Variants in NPLOC4 observed in about 807,000 individuals in gnomAD.
NPLOC4 encodes the protein NPL4 homolog, ubiquitin recognition factor, also known as nuclear protein localization protein 4 homolog.
Under a neutral mutation model 80.6 loss-of-function variants are expected in NPLOC4, and 18 were observed. The ratio of observed to expected loss-of-function variants is 0.22; its 90% CI spans 0.15 to 0.33. The LOEUF (loss-of-function observed/expected upper bound fraction) is 0.33. Ranked by LOEUF, NPLOC4 falls within the 10% of genes least tolerant of loss-of-function variation. The pLI is 1.00. For missense variants in NPLOC4, 540 were observed against 786.1 expected (o/e 0.69, Z 3.74); for synonymous variants, 313 against 301.5 (o/e 1.04, Z -0.39).
At chr17:81,575,129 T>C (rs2034261888) in intron 12 of NPLOC4, among the ~76,000 whole-genome samples, 2 of 152,144 alleles carry the variant, frequency 1.3e-5, no homozygotes, top group Admixed American at 1.3e-4. Context: ...AGAGGGAGTC[T>C]CGCTCTGTCG....
intron 1 of NPLOC4, chr17:81,630,023 T>C: frequency 2.0e-6 from 1 of 495,888 alleles, no homozygotes; most frequent in Non-Finnish European, 3.6e-6. Context: ...TACTGTCCTC[T>C]CAACTCTTAG....
intron 7 of NPLOC4, among the ~76,000 whole-genome samples, chr17:81,605,224 T>G (rs2035170389): frequency 6.8e-6 from 1 of 147,886 alleles, no homozygotes; most frequent in African/African-American, 2.5e-5. Context: ...GAGCTCGCAG[T>G]GAGCTGAGAT....
intron 1 of NPLOC4, among the ~76,000 whole-genome samples, chr17:81,631,187 TAAAA>T (rs1240641902): frequency 6.6e-6 from 1 of 151,320 alleles, no homozygotes; most frequent in Non-Finnish European, 1.5e-5. Flanking sequence ...AATTTAAACT[TAAAA>T]AAGAAATTAA....
intron 3 of NPLOC4, among the ~76,000 whole-genome samples, 171 bp from the exon 4 acceptor site, chr17:81,613,665 T>C (rs1450823966): frequency 1.3e-5 from 2 of 152,216 alleles, no homozygotes; most frequent in East Asian, 3.8e-4. Flanking sequence ...CTATGTTTCC[T>C]GGCATTATAA....
chr17:81,601,464 T>A (rs1157832999), intron 8 of NPLOC4, among the ~76,000 whole-genome samples: 13 of 152,244 alleles, frequency 8.5e-5, no homozygotes, highest in African/African-American at 2.4e-5. Context: ...TTTTGCCATG[T>A]CAGCCAGGCT....
chr17:81,575,837 G>A (rs552442623), intron 12 of NPLOC4, among the ~76,000 whole-genome samples: 80 of 152,286 alleles, frequency 5.3e-4, no homozygotes, highest in African/African-American at 1.8e-3. Context: ...CTTAAGACTG[G>A]GAATATGCTA....
chr17:81,582,317 T>C (rs1253863381), intron 12 of NPLOC4, among the ~76,000 whole-genome samples: 1 of 152,250 alleles, frequency 6.6e-6, no homozygotes, highest in East Asian at 1.9e-4. Flanking sequence ...TCAGCTATGA[T>C]GCCCGATGAG....
intron 1 of NPLOC4, among the ~76,000 whole-genome samples, chr17:81,631,949 A>G (rs1441480212): frequency 6.6e-6 from 1 of 151,364 alleles, no homozygotes; most frequent in African/African-American, 2.4e-5. Flanking sequence ...ACAGGCGCCC[A>G]CCACCATACC....
intron 11 of NPLOC4, 118 bp from the exon 12 acceptor site, chr17:81,589,222 G>C: frequency 2.2e-6 from 2 of 898,128 alleles, no homozygotes; most frequent in African/African-American, 1.7e-5. Context: ...TTTGTCGGGG[G>C]TAAGAGTTAA....
chr17:81,622,237 A>C lies in NPLOC4; in HGVS notation c.138T>G (p.Val46=). The C allele has an allele frequency of 6.2e-7, 1 of 1,613,936 alleles. No homozygotes were observed. Among genetic ancestry groups the C allele is most frequent in the Non-Finnish European group, 8.5e-7 (1 of 1,179,838 alleles). The change falls in exon 3 of 17, where the codon GTT becomes GTG. Residue 46 remains valine, a synonymous_variant. Coordinates refer to ENST00000331134, the MANE Select transcript of NPLOC4 (RefSeq NM_017921.4). ...CTCCGGTCTTGTTTCTATTGATGTA[A>C]ACCGAGAAGCCATTATTTTGGAAGC... ...EFGFQNNGFS[V]YINRNKTGEI...
chr17:81,583,413 C>T (rs762642887), intron 12 of NPLOC4, among the ~76,000 whole-genome samples: 5 of 152,220 alleles, frequency 3.3e-5, no homozygotes, highest in Non-Finnish European at 7.3e-5. Flanking sequence ...GAAACAAGAA[C>T]TCTACCAGAT....
chr17:81,561,067 C>A (rs971549222), intron 16 of NPLOC4, among the ~76,000 whole-genome samples: 3 of 152,122 alleles, frequency 2.0e-5, no homozygotes, highest in African/African-American at 7.2e-5. Context: ...AAGCGATTCT[C>A]CTACCTCAGC....
intron 1 of NPLOC4, among the ~76,000 whole-genome samples, chr17:81,633,299 A>C (rs1221750628): frequency 1.3e-5 from 2 of 152,184 alleles, no homozygotes. Flanking sequence ...CTATCTTAAA[A>C]AGGAAAGCTC....
At chr17:81,559,726 G>A (rs2033785976) in intron 16 of NPLOC4, among the ~76,000 whole-genome samples, 1 of 119,924 alleles carries the variant, frequency 8.3e-6, no homozygotes, top group Non-Finnish European at 1.7e-5. Flanking sequence ...GTTGTTTCCA[G>A]CTTTTTTTTT....
At chr17:81,621,845 G>A (rs2035677029) in intron 3 of NPLOC4, among the ~76,000 whole-genome samples, 1 of 152,202 alleles carries the variant, frequency 6.6e-6, no homozygotes, top group African/African-American at 2.4e-5. Flanking sequence ...GCACACAGCT[G>A]TGTTCAAGGT....
rs564957756 is a variant in NPLOC4, at chr17:81,597,107, C to A, written c.993+138G>T. On this transcript the variant is annotated intron_variant, in intron 10 of 16. Coordinates refer to ENST00000331134, the MANE Select transcript of NPLOC4 (RefSeq NM_017921.4). ...CAGCCTGGGCAAAAGAGCAAGACTC[C>A]GTCTCAAAAAATACAAATAAATAAA... 1.5e-4 allele frequency: 95 copies of A among 624,086 alleles called. No homozygotes were observed. The African/African-American group carries it at 1.6e-3, about 11-fold the overall frequency. The allele number at this position is 624,086 out of a possible 1,614,324, so 38.7% of individuals were successfully genotyped here.
chr17:81,567,745 C>T lies in NPLOC4; in HGVS notation c.1450-212G>A, dbSNP rs891926569. On this transcript the variant is annotated intron_variant, in intron 14 of 16. Transcript: ENST00000331134. The surrounding 1 kb of genome is among the most constrained non-coding windows in gnomAD (Gnocchi z 4.5). ...TCTTCTCCCAAGAAGATGCTCTCAG[C>T]ACACCTGACTACCCAGATGTGCAAG... Among the ~76,000 whole-genome samples, 1 of 152,192 alleles carries T rather than the reference C, an allele frequency of 6.6e-6. No individual in the cohort carries two copies. The highest frequency in any genetic ancestry group is 2.4e-5 in the African/African-American group (1 of 41,450).
In NPLOC4 at chr17:81,608,698, C is replaced by T. The variant is rs780979076; in HGVS notation, c.530+30G>A. ...TGCCAGCTACACAAAAAGGAATTTA[C>T]GCACAACCAGGTTACAGCAAGTTGC... On this transcript the variant is annotated intron_variant, in intron 6 of 16. Transcript: ENST00000331134. 1.6e-5 allele frequency: 24 copies of T among 1,517,728 alleles called. No individual in the cohort carries two copies. In the East Asian group the frequency reaches 2.4e-4, roughly 15 times the overall value. The allele number at this position is 1,517,728 out of a possible 1,614,324, so 94.0% of individuals were successfully genotyped here.
intron 12 of NPLOC4, among the ~76,000 whole-genome samples, chr17:81,575,740 T>G (rs1340367095): frequency 6.6e-6 from 1 of 152,210 alleles, no homozygotes; most frequent in African/African-American, 2.4e-5. Context: ...TTGGGGAACC[T>G]TGAAGTTGAG....
Sources: gnomAD v4.1 joint callset for allele counts (sites outside exome capture counted in the v4.1 genomes callset) on GRCh38, gnomAD v4.1.1 for gene constraint, Gnocchi (gnomAD v3.1) non-coding constraint, MANE v1.5 for transcripts, NCBI Gene and HGNC (gene_info 2026-07-23, HGNC 2026-07-21) for gene names.